The following LARP1 variants were observed in gnomAD, a reference collection of about 807,000 sequenced individuals.
The protein encoded by LARP1 is la-related protein 1.
Under a neutral mutation model 122.7 loss-of-function variants are expected in LARP1, and 36 were observed. The observed-to-expected ratio is 0.29, with a 90% confidence interval of 0.22 to 0.39. The LOEUF (loss-of-function observed/expected upper bound fraction) is 0.39, where lower values mean the gene tolerates loss of function less well. LARP1 is among the 10% of genes least tolerant of loss of function. LARP1 has a pLI of 1.00. For missense variants in LARP1, 1,040 were observed against 1,403.6 expected (o/e 0.74, Z 4.14); for synonymous variants, 539 against 528.7 (o/e 1.02, Z -0.27).
In LARP1 at chr5:154,755,740, G is replaced by T. The variant is rs1032320917; in HGVS notation, c.-18G>T. On this transcript the variant is annotated 5_prime_UTR_variant, in exon 1 of 19. Coordinates refer to ENST00000518297, the MANE Select transcript of LARP1 (RefSeq NM_033551.3). ...AGCCTCGGGCGCGCCCGGCTTCTCC[G>T]GGGGGGCGGGCGCGCAGATGGCCAC... 4.6e-5 allele frequency: 45 copies of T among 986,816 alleles called. No homozygotes were observed. The highest frequency in any genetic ancestry group is 5.3e-5 in the Non-Finnish European group (44 of 830,192). The allele number at this position is 986,816 out of a possible 1,614,324, so 61.1% of individuals were successfully genotyped here.
intron 1 of LARP1, among the ~76,000 whole-genome samples, chr5:154,684,633 G>A (rs1753840952): frequency 6.6e-6 from 1 of 152,144 alleles, no homozygotes; most frequent in Non-Finnish European, 1.5e-5. Context: ...ACGGCCAAGA[G>A]AAGGGGTTTG....
At chr5:154,808,699 G>GC in intron 16 of LARP1, 96 bp downstream of exon 16, 3 of 1,265,452 alleles carry the variant, frequency 2.4e-6, no homozygotes, top group Non-Finnish European at 3.3e-6. Context: ...GAAATTCCTT[G>GC]CATGTGTATG....
At chr5:154,774,889 G>C (rs984670444) in intron 1 of LARP1, among the ~76,000 whole-genome samples, 10 of 152,192 alleles carry the variant, frequency 6.6e-5, no homozygotes, top group Non-Finnish European at 1.0e-4. Context: ...GGGGATCACA[G>C]TGCCTGCATT....
chr5:154,782,275 T>C (rs1163696723), intron 1 of LARP1, among the ~76,000 whole-genome samples: 1 of 152,224 alleles, frequency 6.6e-6, no homozygotes, highest in Admixed American at 6.5e-5. Context: ...TAGAACCAAA[T>C]GTGCTCTTTA....
chr5:154,812,881 G>A lies in LARP1; in HGVS notation c.3082-1006G>A, dbSNP rs575647455. Among the ~76,000 whole-genome samples, 3 of 152,210 alleles carry A rather than the reference G, an allele frequency of 2.0e-5. No individual in the cohort carries two copies. The East Asian group carries it at 5.8e-4, about 29-fold the overall frequency. Reference sequence around the variant, plus strand: ...CACTCACTATCACGAGAACAAGATGGGGGAAACTGCCCCCATGATGCAATT... The same window carrying A: ...CACTCACTATCACGAGAACAAGATGAGGGAAACTGCCCCCATGATGCAATT... On this transcript the variant is annotated intron_variant, in intron 18 of 18. Transcript: ENST00000518297.
chr5:154,694,546 G>T (rs188595876), intron 1 of LARP1, among the ~76,000 whole-genome samples: 1 of 152,160 alleles, frequency 6.6e-6, no homozygotes, highest in South Asian at 2.1e-4. Context: ...AGGTGTAAGC[G>T]ACTATACCTG....
chr5:154,729,586 T>C (rs1756432142), intron 1 of LARP1: 2 of 432,432 alleles, frequency 4.6e-6, no homozygotes, highest in Non-Finnish European at 9.1e-6. Context: ...AAGAGAAAGG[T>C]ACCTGGGTTC....
At chr5:154,707,637 TG>T (rs904916336) in intron 1 of LARP1, among the ~76,000 whole-genome samples, 1 of 151,946 alleles carries the variant, frequency 6.6e-6, no homozygotes, top group Non-Finnish European at 1.5e-5. Flanking sequence ...ACAGCTGGGG[TG>T]GGGGGGCATG....
rs1267805116 is a variant in LARP1, at chr5:154,792,752, A to G, written c.695A>G (p.Lys232Arg). The part of the protein sequence containing the change: ...KTKSDESGEE[K>R]NGDEDCQRGG... ...AAATCAGATGAATCAGGGGAGGAAA[A>G]GAATGGAGATGAGGATTGCCAGCGA... is the stretch of plus-strand genomic sequence containing the variant. The change falls in exon 4 of 19, where the codon AAG becomes AGG. Residue 232 changes from lysine (K) to arginine (R), a missense_variant. Lys to Arg is a conservative substitution (Grantham distance 26, BLOSUM62 2). This residue lies in a region of LARP1 where 11 missense variants were observed against 33.1 expected (regional missense o/e 0.33). Transcript: ENST00000518297. The G allele has an allele frequency of 6.2e-7, 1 of 1,614,130 alleles. No individual in the cohort carries two copies. The highest frequency in any genetic ancestry group is 8.5e-7 in the Non-Finnish European group (1 of 1,180,006).
chr5:154,733,192 TGACC>T (rs1412222452), intron 1 of LARP1, among the ~76,000 whole-genome samples: 3 of 152,206 alleles, frequency 2.0e-5, no homozygotes, highest in African/African-American at 4.8e-5. Context: ...GGGTATTGTT[TGACC>T]AATTTAAGTA....
chr5:154,702,921 C>T (rs1754782602), intron 1 of LARP1, among the ~76,000 whole-genome samples: 1 of 151,714 alleles, frequency 6.6e-6, no homozygotes, highest in Admixed American at 6.6e-5. Context: ...AGTTCAAGAC[C>T]AGCCTGGCCA....
intron 1 of LARP1, among the ~76,000 whole-genome samples, chr5:154,720,812 T>C (rs904811864): frequency 2.0e-5 from 3 of 151,916 alleles, no homozygotes; most frequent in South Asian, 2.1e-4. Context: ...TTTTGGGAGG[T>C]TCATGCAGGA....
At chr5:154,730,476 CT>C (rs879902328) in intron 1 of LARP1, among the ~76,000 whole-genome samples, 63 of 125,322 alleles carry the variant, frequency 5.0e-4, no homozygotes, top group South Asian at 1.0e-3. Context: ...TGCTTATATT[CT>C]TTTTTTTTTT....
At chr5:154,751,006 G>T (rs1753456268), upstream of LARP1, among the ~76,000 whole-genome samples, 1 of 151,892 alleles carries the variant, frequency 6.6e-6, no homozygotes, top group Non-Finnish European at 1.5e-5. Context: ...CTCTTTTTTT[G>T]GCCTCTCTTT....
At chr5:154,684,840 C>G (rs1046149524) in intron 1 of LARP1, among the ~76,000 whole-genome samples, 1 of 152,204 alleles carries the variant, frequency 6.6e-6, no homozygotes, top group Non-Finnish European at 1.5e-5. Flanking sequence ...GGCAGGCCCT[C>G]TGTAAAGATA....
intron 14 of LARP1, 45 bp downstream of exon 14, chr5:154,804,352 T>G (rs1045452856): frequency 2.3e-4 from 318 of 1,375,876 alleles, no homozygotes; most frequent in Admixed American, 1.6e-3. Context: ...GCCTATGGGA[T>G]GGGTGGGCGA....
In LARP1 at chr5:154,763,623, C is replaced by T. The variant is rs931136913; in HGVS notation, c.436+7430C>T. 9.9e-5 allele frequency among the ~76,000 whole-genome samples: 15 copies of T among 151,814 alleles called. 1 individual carries two copies. Among genetic ancestry groups the T allele is most frequent in the Non-Finnish European group, 1.0e-4 (7 of 67,900 alleles). The stretch of plus-strand genomic sequence containing the variant: ...TTGTGCCACAGTACTCCAGCCTGGG[C>T]GACAGAGTGAGACCCTGTCTCTAAA... On this transcript the variant is annotated intron_variant, in intron 1 of 18. Transcript: ENST00000518297.
At chr5:154,810,603 T>C (rs1284033298) in intron 16 of LARP1, among the ~76,000 whole-genome samples, 1 of 151,962 alleles carries the variant, frequency 6.6e-6, no homozygotes, top group Non-Finnish European at 1.5e-5. Context: ...TTCTTCTGCC[T>C]CAGCCTCCCG....
At chr5:154,725,815 G>A (rs1254277537) in intron 1 of LARP1, among the ~76,000 whole-genome samples, 3 of 152,050 alleles carry the variant, frequency 2.0e-5, no homozygotes, top group African/African-American at 4.8e-5. Context: ...AAGAAGGAGT[G>A]TCCCTAATAA....
Sources: gnomAD v4.1 joint callset for allele counts (sites outside exome capture counted in the v4.1 genomes callset) on GRCh38, gnomAD v4.1.1 for gene constraint, gnomAD v4.1.1 regional missense constraint, MANE v1.5 for transcripts, NCBI Gene and HGNC (gene_info 2026-07-23, HGNC 2026-07-21) for gene names.